Variants in PYHIN1 observed in about 807,000 individuals in gnomAD.
PYHIN1 encodes pyrin and HIN domain family member 1.
A neutral mutation model predicts 43.7 loss-of-function variants in PYHIN1; 32 were observed. That is an observed-to-expected ratio of 0.73 (90% CI 0.55 to 0.98). The LOEUF is 0.98. Among genes scored for constraint, PYHIN1 ranks in the 50% least tolerant of loss-of-function variants. PYHIN1 has a pLI of 0.00. For missense variants in PYHIN1, 588 were observed against 589.5 expected (o/e 1.00, Z 0.03); for synonymous variants, 205 against 203.1 (o/e 1.01, Z -0.08).
intron 7 of PYHIN1, among the ~76,000 whole-genome samples, chr1:158,962,403 C>T (rs942354176): frequency 8.5e-5 from 13 of 152,082 alleles, no homozygotes; most frequent in South Asian, 4.1e-4. Flanking sequence ...TAGTGATGGG[C>T]GGATCCCCAA....
intron 7 of PYHIN1, among the ~76,000 whole-genome samples, chr1:158,959,916 C>A (rs1390951864): frequency 1.3e-5 from 2 of 152,192 alleles, no homozygotes; most frequent in African/African-American, 4.8e-5. Context: ...GGGGTACTTA[C>A]CTGCACTCAG....
chr1:158,952,034 T>C (rs1437216139), intron 7 of PYHIN1, among the ~76,000 whole-genome samples: 1 of 151,924 alleles, frequency 6.6e-6, no homozygotes, highest in East Asian at 1.9e-4. Flanking sequence ...CCTGCGGAGC[T>C]GGAGAGCTAA....
the PYHIN1 span, among the ~76,000 whole-genome samples, chr1:158,989,716 G>A: frequency 1.3e-5 from 2 of 152,246 alleles, no homozygotes; most frequent in East Asian, 3.9e-4. Context: ...CTTGATCTCA[G>A]GCTTAATTCC....
chr1:158,951,241 A>T (rs1649515251), intron 7 of PYHIN1, among the ~76,000 whole-genome samples: 1 of 152,140 alleles, frequency 6.6e-6, no homozygotes, highest in Admixed American at 6.5e-5. Context: ...TCAAGCAGTG[A>T]TGTCATAACC....
chr1:158,973,310 G>A (rs1405049179), intron 7 of PYHIN1, among the ~76,000 whole-genome samples: 1 of 151,916 alleles, frequency 6.6e-6, no homozygotes, highest in Non-Finnish European at 1.5e-5. Flanking sequence ...TTTATCTGGT[G>A]GATCAGTAAG....
Position 158,944,937 on chromosome 1 carries a change from G to A in PYHIN1, c.1254G>A (p.Gln418=), listed in dbSNP as rs765715670. 8.7e-6 allele frequency: 14 copies of A among 1,613,750 alleles called. No homozygotes were observed. The highest frequency in any genetic ancestry group is 1.1e-5 in the Non-Finnish European group (13 of 1,179,794). Residue 418 remains glutamine (Q), a synonymous_variant, in exon 7 of 9, where the codon CAG becomes CAA. Transcript: ENST00000368140. Reference sequence around the variant, plus strand: ...GGAGCATGGCACTACCCCAGGAACAGAGTCAGCATCCAAAACCTTCAGAGG... The same window carrying A: ...GGAGCATGGCACTACCCCAGGAACAAAGTCAGCATCCAAAACCTTCAGAGG... ...DSRSMALPQE[Q]SQHPKPSEAS...
intron 7 of PYHIN1, among the ~76,000 whole-genome samples, chr1:158,948,845 C>G (rs537581778): frequency 1.3e-5 from 2 of 152,144 alleles, no homozygotes; most frequent in Non-Finnish European, 2.9e-5. Flanking sequence ...TCCTTAATAT[C>G]ATAACACTAG....
At chr1:158,934,106 G>A (rs925736073) in intron 1 of PYHIN1, among the ~76,000 whole-genome samples, 1 of 151,918 alleles carries the variant, frequency 6.6e-6, no homozygotes, top group Non-Finnish European at 1.5e-5. Flanking sequence ...TACCTGGGGG[G>A]CTCGGTATGT....
In PYHIN1 at chr1:158,973,204, T is replaced by C. The variant is rs571880862; in HGVS notation, c.1360-443T>C. ...CACCTATGAGTTGAAGACAGACTTA[T>C]TCTTTACAGGAGTTTGCTATATGTG... On this transcript the variant is annotated intron_variant, in intron 7 of 8. Transcript: ENST00000368140. Among the ~76,000 whole-genome samples, 3 of 152,198 alleles carry C rather than the reference T, an allele frequency of 2.0e-5. No homozygotes were observed. In the South Asian group the frequency reaches 6.2e-4, roughly 32 times the overall value.
At chr1:158,958,522 T>C (rs2101701031) in intron 7 of PYHIN1, among the ~76,000 whole-genome samples, 1 of 144,064 alleles carries the variant, frequency 6.9e-6, no homozygotes, top group African/African-American at 2.6e-5. Context: ...AACCAAACAC[T>C]GCATATTCTC....
chr1:158,939,110 G>A lies in PYHIN1; in HGVS notation c.442G>A (p.Gly148Arg), dbSNP rs769818482. 6.2e-7 allele frequency: 1 copy of A among 1,602,248 alleles called. No individual in the cohort carries two copies. The highest frequency in any genetic ancestry group is 8.5e-7 in the Non-Finnish European group (1 of 1,176,998). The change falls in exon 4 of 9, where the codon GGA becomes AGA. Residue 148 changes from glycine to arginine, a missense_variant. By Grantham distance (125) the Gly-to-Arg change is moderately radical (BLOSUM62 -2). Transcript: ENST00000368140. ...KRKKPSEEET[G>R]TKRSKMSKEQ... is the part of the protein sequence containing the mutation. ...AAAAAAACCATCTGAAGAAGAGACT[G>A]GAACCAAAAGGAGTAAGATGTCCAA...
the PYHIN1 span, among the ~76,000 whole-genome samples, chr1:158,984,572 C>T: frequency 1.3e-5 from 2 of 151,962 alleles, no homozygotes; most frequent in African/African-American, 2.4e-5. Flanking sequence ...AAGCATGTGG[C>T]CAAGCATGTG....
In PYHIN1 at chr1:158,933,786, G is replaced by C. The variant is rs954885115; in HGVS notation, c.-21+2010G>C. Reference sequence around the variant, plus strand: ...TTTCTTCCCTCCCTCCACCATGTTGGTATACTTTCTGTTTCTCTTTTCTTT... The same window carrying C: ...TTTCTTCCCTCCCTCCACCATGTTGCTATACTTTCTGTTTCTCTTTTCTTT... On this transcript the variant is annotated intron_variant, in intron 1 of 8. Coordinates refer to ENST00000368140, the MANE Select transcript of PYHIN1 (RefSeq NM_152501.5). The surrounding 1 kb of genome is among the most constrained non-coding windows in gnomAD (Gnocchi z 6.3). Among the ~76,000 whole-genome samples the C allele has an allele frequency of 6.6e-6, 1 of 151,750 alleles. No homozygotes were observed. Among genetic ancestry groups the C allele is most frequent in the Non-Finnish European group, 1.5e-5 (1 of 67,916 alleles).
chr1:158,977,520 T>G (rs1340065445), downstream of PYHIN1, among the ~76,000 whole-genome samples: 2 of 152,112 alleles, frequency 1.3e-5, no homozygotes, highest in African/African-American at 4.8e-5. Flanking sequence ...CTTCTCACAT[T>G]CCACTATATG....
At chr1:158,984,920 C>G in the PYHIN1 span, among the ~76,000 whole-genome samples, 1 of 151,262 alleles carries the variant, frequency 6.6e-6, no homozygotes, top group Non-Finnish European at 1.5e-5. Context: ...TCTTCATCCT[C>G]TTTGATAGCT....
At position 158,976,601 on chromosome 1, in the gene PYHIN1, G is replaced by A. The variant is rs1037847861; in HGVS notation, c.*6-100G>A. 29 of 807,224 alleles carry A rather than the reference G, an allele frequency of 3.6e-5. 1 individual carries two copies. The East Asian group carries it at 7.1e-4, about 20-fold the overall frequency. The allele number at this position is 807,224 out of a possible 1,614,324, so 50.0% of individuals were successfully genotyped here. A position where few individuals can be genotyped will look rare whatever the true frequency, so the allele number is the denominator to read the frequency against. On this transcript the variant is annotated intron_variant, in intron 8 of 8. Coordinates refer to ENST00000368140, the MANE Select transcript of PYHIN1 (RefSeq NM_152501.5). Reference sequence around the variant, plus strand: ...AGTGCTTCAGATGGAAATAGAAGAAGAGATGTGGCTCACAGGGAGGAGAGG... The same window carrying A: ...AGTGCTTCAGATGGAAATAGAAGAAAAGATGTGGCTCACAGGGAGGAGAGG...
rs1379531100 is a variant in PYHIN1 at position 158,945,035 on chromosome 1, T to C, written c.1352T>C (p.Phe451Ser). 8.1e-6 allele frequency: 13 copies of C among 1,612,660 alleles called. No homozygotes were observed. Among genetic ancestry groups the C allele is most frequent in the South Asian group, 7.7e-5 (7 of 90,878 alleles). Residue 451 changes from phenylalanine to serine, a missense_variant, in exon 7 of 9, where the codon TTC becomes TCC. Physicochemically the swap from Phe to Ser is radical, Grantham distance 155. Coordinates refer to ENST00000368140, the MANE Select transcript of PYHIN1 (RefSeq NM_152501.5). Reference protein sequence around the residue: ...MPPTTPSSSSFTKKDETHPGA... With the variant: ...MPPTTPSSSSSTKKDETHPGA... ...CCAACAACCCCATCCAGCAGTTCCT[T>C]CACCAAGGTACAATATCCTGGGTCC...
chr1:158,971,131 T>A (rs541052974), intron 7 of PYHIN1, among the ~76,000 whole-genome samples: 2 of 152,096 alleles, frequency 1.3e-5, no homozygotes, highest in Admixed American at 1.3e-4. Context: ...TAAAACAGGA[T>A]GAGGTGCACA....
At chr1:158,960,207 T>C (rs1168214508) in intron 7 of PYHIN1, among the ~76,000 whole-genome samples, 3 of 152,242 alleles carry the variant, frequency 2.0e-5, no homozygotes. Context: ...GCCTGTGTCT[T>C]TTTGCCAACT....
Sources: gnomAD v4.1 joint callset for allele counts (sites outside exome capture counted in the v4.1 genomes callset) on GRCh38, gnomAD v4.1.1 for gene constraint, Gnocchi (gnomAD v3.1) non-coding constraint, MANE v1.5 for transcripts, NCBI Gene and HGNC (gene_info 2026-07-23, HGNC 2026-07-21) for gene names.